TRPC7: variants seen among roughly 807,000 people sequenced by gnomAD.
TRPC7 encodes short transient receptor potential channel 7.
A neutral mutation model predicts 90.1 loss-of-function variants in TRPC7; 42 were observed. The ratio of observed to expected loss-of-function variants is 0.47; its 90% confidence interval spans 0.36 to 0.60. TRPC7 has a LOEUF of 0.60. Ranked by LOEUF, TRPC7 falls within the 20% of genes least tolerant of loss-of-function variation. The probability of loss-of-function intolerance (pLI) is 0.00; values close to 1 mark genes in which losing one functional copy is unlikely to be tolerated. For missense variants in TRPC7, 955 were observed against 1,112.3 expected (o/e 0.86, Z 2.01); for synonymous variants, 451 against 436.3 (o/e 1.03, Z -0.42).
chr5:136,275,208 C>T (rs1757325636), intron 3 of TRPC7, among the ~76,000 whole-genome samples: 1 of 152,136 alleles, frequency 6.6e-6, no homozygotes, highest in Non-Finnish European at 1.5e-5. Context: ...GGAAGGAACA[C>T]AGAGGAATGG....
chr5:136,357,148 G>A lies in TRPC7; in HGVS notation c.240C>T (p.Asn80=), dbSNP rs372900766. The A allele has an allele frequency of 1.9e-6, 3 of 1,614,096 alleles. No individual in the cohort carries two copies. The highest frequency in any genetic ancestry group is 1.7e-5 in the Admixed American group (1 of 60,028). The change falls in exon 2 of 12, where the codon AAC becomes AAT. Residue 80 remains asparagine, a synonymous_variant. Transcript: ENST00000513104. Reference sequence around the variant, plus strand: ...CGTTGCCCACGGCCAGCTGCAGAGCGTTCTGCCCCATGTAGTCCACACAGT... The same window carrying A: ...CGTTGCCCACGGCCAGCTGCAGAGCATTCTGCCCCATGTAGTCCACACAGT... ...NFNCVDYMGQ[N]ALQLAVGNEH...
At chr5:136,338,176 T>C (rs1759727337) in intron 2 of TRPC7, among the ~76,000 whole-genome samples, 1 of 152,202 alleles carries the variant, frequency 6.6e-6, no homozygotes, top group Non-Finnish European at 1.5e-5. Flanking sequence ...TTATTGTAAA[T>C]TTCACACTTT....
chr5:136,326,749 G>A (rs577856839), intron 2 of TRPC7, among the ~76,000 whole-genome samples: 1 of 152,240 alleles, frequency 6.6e-6, no homozygotes, highest in South Asian at 2.1e-4. Flanking sequence ...ATTTTACCAG[G>A]GTTGTGTTTT....
At chr5:136,268,009 C>A (rs1342511605) in intron 4 of TRPC7, among the ~76,000 whole-genome samples, 1 of 152,062 alleles carries the variant, frequency 6.6e-6, no homozygotes, top group South Asian at 2.1e-4. Context: ...TTCTATAGGG[C>A]ACTGAAGGTG....
rs748353763 is a variant in TRPC7 at position 136,266,404 on chromosome 5, C to A, written c.1161G>T (p.Lys387Asn). 6 of 1,613,780 alleles carry A rather than the reference C, an allele frequency of 3.7e-6. No homozygotes were observed. The South Asian group carries it at 5.5e-5, about 15-fold the overall frequency. The change falls in exon 5 of 12, where the codon AAG becomes AAT. Residue 387 changes from lysine to asparagine, a missense_variant. Lys to Asn is a moderately conservative substitution (Grantham distance 94, BLOSUM62 0). Transcript: ENST00000513104. ...TAAAAGAAACTGCATGAGCTACAAACTTCATGAAAGGGCTCCTCAGGGTTC... is the reference window on the plus strand; with the variant it reads ...TAAAAGAAACTGCATGAGCTACAAAATTCATGAAAGGGCTCCTCAGGGTTC... ...LGRTLRSPFM[K>N]FVAHAVSFTI...
intron 9 of TRPC7, 104 bp downstream of exon 9, chr5:136,225,930 C>A: frequency 3.1e-6 from 3 of 978,200 alleles, no homozygotes; most frequent in East Asian, 2.6e-5. Flanking sequence ...CCTGGCTCCC[C>A]TTGCATGGGG....
intron 2 of TRPC7, among the ~76,000 whole-genome samples, chr5:136,332,960 G>T (rs577581451): frequency 4.6e-5 from 7 of 152,320 alleles, no homozygotes; most frequent in Admixed American, 2.6e-4. Context: ...TCGAGGAGCT[G>T]CTGACCACTG....
chr5:136,229,562 T>C (rs919050483), intron 8 of TRPC7, among the ~76,000 whole-genome samples: 2 of 152,080 alleles, frequency 1.3e-5, no homozygotes, highest in Non-Finnish European at 2.9e-5. Flanking sequence ...CTTGGACTGG[T>C]GGCAAGGCTG....
At chr5:136,278,576 C>G (rs1757445496) in intron 3 of TRPC7, among the ~76,000 whole-genome samples, 2 of 152,216 alleles carry the variant, frequency 1.3e-5, no homozygotes, top group African/African-American at 4.8e-5. Flanking sequence ...ACAACAACAA[C>G]TTCCTTAATT....
intron 3 of TRPC7, among the ~76,000 whole-genome samples, chr5:136,293,320 T>C (rs1758030825): frequency 6.6e-6 from 1 of 152,064 alleles, no homozygotes; most frequent in Admixed American, 6.6e-5. Flanking sequence ...AAATAAAGGG[T>C]ATTCAATTAG....
chr5:136,302,282 G>A (rs545010619), intron 3 of TRPC7, among the ~76,000 whole-genome samples: 13 of 152,118 alleles, frequency 8.5e-5, no homozygotes, highest in Non-Finnish European at 1.5e-4. Context: ...CACCCTTAGC[G>A]GCAAGTCCCA....
intron 2 of TRPC7, among the ~76,000 whole-genome samples, chr5:136,354,062 TC>T (rs755415005): frequency 2.0e-5 from 3 of 152,224 alleles, no homozygotes; most frequent in African/African-American, 4.8e-5. Flanking sequence ...TTCCAGATAA[TC>T]TGATCCAAAA....
At chr5:136,243,461 A>G (rs1265972776) in intron 7 of TRPC7, among the ~76,000 whole-genome samples, 1 of 152,060 alleles carries the variant, frequency 6.6e-6, no homozygotes, top group Non-Finnish European at 1.5e-5. Context: ...GCCTTACCCT[A>G]CAAGCTCAAA....
At position 136,356,870 on chromosome 5, in the gene TRPC7, T is replaced by TGCCTG; in HGVS notation, c.517_518insCAGGC (p.His173ProfsTer49). 1 of 1,613,854 alleles carries TGCCTG rather than the reference T, an allele frequency of 6.2e-7. No individual in the cohort carries two copies. Among genetic ancestry groups the TGCCTG allele is most frequent in the Non-Finnish European group, 8.5e-7 (1 of 1,179,930 alleles). ...GTGCACGATCTCATACTCCTGGCAG[T>TGCCTG]GCGCCGCCAGGATGATGGGCGTGAT... On this transcript the variant is annotated frameshift_variant, in exon 2 of 12. Transcript: ENST00000513104. LOFTEE classifies it high-confidence loss of function.
intron 5 of TRPC7, among the ~76,000 whole-genome samples, chr5:136,263,730 A>T (rs1462637410): frequency 6.6e-6 from 1 of 152,224 alleles, no homozygotes; most frequent in Non-Finnish European, 1.5e-5. Flanking sequence ...ACTGTGAAGC[A>T]CAGAAAGAAG....
intron 3 of TRPC7, among the ~76,000 whole-genome samples, chr5:136,292,509 T>A (rs1476062627): frequency 6.6e-6 from 1 of 152,160 alleles, no homozygotes; most frequent in Non-Finnish European, 1.5e-5. Context: ...GAGAATACTA[T>A]AAACACCTCT....
intron 11 of TRPC7, chr5:136,214,033 G>A (rs1755174640): frequency 6.1e-6 from 1 of 164,586 alleles, no homozygotes; most frequent in African/African-American, 2.4e-5. Context: ...GTTATTTGTA[G>A]GGAGGAGAAA....
At chr5:136,357,551 G>C (rs766327907) in intron 1 of TRPC7, among the ~76,000 whole-genome samples, 166 bp from the exon 2 acceptor site, 2 of 152,136 alleles carry the variant, frequency 1.3e-5, no homozygotes, top group Non-Finnish European at 2.9e-5. Context: ...GACACACTGG[G>C]TTACCTGTAC....
intron 3 of TRPC7, among the ~76,000 whole-genome samples, chr5:136,284,198 A>G (rs1469530082): frequency 6.6e-6 from 1 of 152,218 alleles, no homozygotes; most frequent in Non-Finnish European, 1.5e-5. Context: ...TCAGATGAGG[A>G]TATGAATATT....
Sources: allele counts gnomAD v4.1 joint callset (sites outside exome capture counted in the v4.1 genomes callset), GRCh38; gene constraint gnomAD v4.1.1; transcripts MANE v1.5; gene names NCBI Gene and HGNC (gene_info 2026-07-23, HGNC 2026-07-21).